The following OPCML variants were observed in gnomAD, a reference collection of about 807,000 sequenced individuals.
The protein encoded by OPCML is opioid-binding protein/cell adhesion molecule.
In OPCML, 13 loss-of-function variants were observed where a neutral mutation model predicts 37.8. That is an observed-to-expected ratio of 0.34 (90% CI 0.22 to 0.55). The LOEUF (loss-of-function observed/expected upper bound fraction) is 0.55, where lower values mean the gene tolerates loss of function less well. Ranked by LOEUF, OPCML falls within the 20% of genes least tolerant of loss-of-function variation. OPCML has a pLI of 0.91. For synonymous variants in OPCML, 176 were observed against 168.8 expected (o/e 1.04, Z -0.33); for missense variants, 341 against 435.6 (o/e 0.78, Z 1.93).
rs1312640213 is a variant in OPCML at position 133,051,609 on chromosome 11, T to C, written c.62-108599A>G. 2.6e-5 allele frequency among the ~76,000 whole-genome samples: 4 copies of C among 152,212 alleles called. No homozygotes were observed. In the East Asian group the frequency reaches 7.7e-4, roughly 29 times the overall value. ...ACACATCTCCCCAGCAGCACATGGC[T>C]ATCTCTTGATGACCATTGGGAAAGA... is the stretch of plus-strand genomic sequence containing the variant. On this transcript the variant is annotated intron_variant, in intron 1 of 7. Coordinates refer to ENST00000524381, the MANE Select transcript of OPCML (RefSeq NM_001012393.5).
At chr11:132,882,253 T>A (rs559884673) in intron 2 of OPCML, among the ~76,000 whole-genome samples, 1 of 152,342 alleles carries the variant, frequency 6.6e-6, no homozygotes, top group African/African-American at 2.4e-5. Context: ...TCGTGGATAT[T>A]TTAATAAGTT....
chr11:132,603,319 G>C (rs144093129), intron 3 of OPCML, among the ~76,000 whole-genome samples: 16 of 152,284 alleles, frequency 1.1e-4, no homozygotes, highest in Non-Finnish European at 1.8e-4. Context: ...TCCTGTGCTT[G>C]TATCTTGTGC....
chr11:133,253,145 CA>C (rs549441502), intron 1 of OPCML, among the ~76,000 whole-genome samples: 4,365 of 99,130 alleles, frequency 0.044, 176 homozygotes, highest in African/African-American at 0.15. Context: ...GACTCTGTCT[CA>C]AAAAAAAAAA....
At chr11:132,855,035 A>G (rs893245706) in intron 2 of OPCML, among the ~76,000 whole-genome samples, 1 of 152,246 alleles carries the variant, frequency 6.6e-6, no homozygotes, top group Non-Finnish European at 1.5e-5. Context: ...TAAAGCTAAT[A>G]AAAGGCTATG....
At chr11:133,270,119 T>C (rs1250748754) in intron 1 of OPCML, among the ~76,000 whole-genome samples, 4 of 152,220 alleles carry the variant, frequency 2.6e-5, no homozygotes, top group Non-Finnish European at 5.9e-5. Context: ...AAGAACTGAT[T>C]ACTTGCTACT....
chr11:132,967,790 A>T (rs865844119), intron 1 of OPCML, among the ~76,000 whole-genome samples: 3 of 152,170 alleles, frequency 2.0e-5, no homozygotes, highest in Middle Eastern at 6.3e-3. Context: ...CAGCCTCAAG[A>T]CTATGCTGCA....
chr11:132,483,776 AT>A (rs2096189448), intron 4 of OPCML, among the ~76,000 whole-genome samples: 1 of 151,796 alleles, frequency 6.6e-6, no homozygotes, highest in Non-Finnish European at 1.5e-5. Context: ...ATCTACAACT[AT>A]CTGATCTTTG....
intron 2 of OPCML, among the ~76,000 whole-genome samples, chr11:132,921,063 T>C (rs1944780346): frequency 6.6e-6 from 1 of 152,234 alleles, no homozygotes; most frequent in South Asian, 2.1e-4. Context: ...GCTTCATCAC[T>C]TTTTTCTTTT....
chr11:133,345,164 C>T (rs764169838), intron 1 of OPCML, among the ~76,000 whole-genome samples: 82 of 152,092 alleles, frequency 5.4e-4, no homozygotes, highest in African/African-American at 1.7e-3. Context: ...GTGCTGCCAT[C>T]GCATCAAAGC....
intron 4 of OPCML, among the ~76,000 whole-genome samples, chr11:132,518,777 T>G (rs1352094871): frequency 6.6e-6 from 1 of 152,164 alleles, no homozygotes; most frequent in Non-Finnish European, 1.5e-5. Flanking sequence ...CACTAGACCA[T>G]AGGCTCCAGA....
intron 2 of OPCML, among the ~76,000 whole-genome samples, chr11:132,721,950 C>CTTTTTTTTTTTTTTTTTTTTTTTTTTTT (rs34325848): frequency 3.6e-5 from 3 of 82,782 alleles, no homozygotes; most frequent in Non-Finnish European, 6.5e-5. Flanking sequence ...CTTTCCTTCC[C>CTTTTTTTTTTTTTTTTTTTTTTTTTTTT]TTTTTTTTTT....
At chr11:132,795,064 G>A (rs1938221154) in intron 2 of OPCML, among the ~76,000 whole-genome samples, 1 of 151,916 alleles carries the variant, frequency 6.6e-6, no homozygotes, top group African/African-American at 2.4e-5. Flanking sequence ...GAATGGGTAT[G>A]GCAAGAGCTT....
At chr11:132,881,386 A>G (rs1178472384) in intron 2 of OPCML, among the ~76,000 whole-genome samples, 1 of 152,184 alleles carries the variant, frequency 6.6e-6, no homozygotes, top group Non-Finnish European at 1.5e-5. Context: ...AAGAAGGGGC[A>G]TGAAGCACAA....
chr11:132,938,479 G>A (rs755898141), intron 2 of OPCML, among the ~76,000 whole-genome samples: 12 of 152,212 alleles, frequency 7.9e-5, no homozygotes, highest in Non-Finnish European at 1.3e-4. Flanking sequence ...TGAAAAAAAT[G>A]TGTGAGTATT....
chr11:132,512,805 C>T (rs2096271763), intron 4 of OPCML, among the ~76,000 whole-genome samples: 1 of 151,456 alleles, frequency 6.6e-6, no homozygotes, highest in African/African-American at 2.4e-5. Flanking sequence ...CAGCAGAAAA[C>T]ATATCAGTGT....
chr11:132,571,761 G>T (rs114015702), intron 3 of OPCML, among the ~76,000 whole-genome samples: 1 of 152,092 alleles, frequency 6.6e-6, no homozygotes, highest in East Asian at 1.9e-4. Flanking sequence ...TTGAGATATG[G>T]ACCTCAATTC....
At chr11:133,235,523 A>G (rs1940474481) in intron 1 of OPCML, among the ~76,000 whole-genome samples, 2 of 152,238 alleles carry the variant, frequency 1.3e-5, no homozygotes, top group African/African-American at 4.8e-5. Context: ...AAACAACAGC[A>G]AAACGAGGAA....
chr11:133,477,920 T>C (rs1268312497), intron 1 of OPCML, among the ~76,000 whole-genome samples: 3 of 152,160 alleles, frequency 2.0e-5, no homozygotes, highest in South Asian at 2.1e-4. Context: ...CCAAATTAGA[T>C]ATATTTTGAG....
intron 1 of OPCML, among the ~76,000 whole-genome samples, chr11:132,952,979 C>T (rs554491166): frequency 6.6e-6 from 1 of 152,140 alleles, no homozygotes; most frequent in South Asian, 2.1e-4. Flanking sequence ...AATAAACAAG[C>T]CAACCTAAGG....
Sources: gnomAD v4.1 joint callset for allele counts (sites outside exome capture counted in the v4.1 genomes callset) on GRCh38, gnomAD v4.1.1 for gene constraint, MANE v1.5 for transcripts, NCBI Gene and HGNC (gene_info 2026-07-23, HGNC 2026-07-21) for gene names.